The following PRKCQ variants were observed in gnomAD, a reference collection of about 807,000 sequenced individuals.
PRKCQ encodes the protein protein kinase C theta.
A neutral mutation model predicts 91.2 loss-of-function variants in PRKCQ; 41 were observed. That is an observed-to-expected ratio of 0.45 (90% confidence interval 0.35 to 0.58). The LOEUF (loss-of-function observed/expected upper bound fraction) is 0.58. Ranked by LOEUF, PRKCQ falls within the 20% of genes least tolerant of loss-of-function variation. The probability of loss-of-function intolerance (pLI) is 0.00; values close to 1 mark genes in which losing one functional copy is unlikely to be tolerated. For missense variants in PRKCQ, 673 were observed against 896.5 expected, an observed-to-expected ratio of 0.75 and a Z score of 3.18; for synonymous variants, 307 against 316.9, an observed-to-expected ratio of 0.97 and a Z score of 0.33.
At chr10:6,471,704 C>T (rs1214431818) in intron 12 of PRKCQ, among the ~76,000 whole-genome samples, 3 of 152,050 alleles carry the variant, frequency 2.0e-5, no homozygotes, top group South Asian at 4.1e-4. Flanking sequence ...GAGCCGAGAT[C>T]GTTCCACTGT....
At chr10:6,543,274 C>T (rs181030530) in intron 1 of PRKCQ, among the ~76,000 whole-genome samples, 6 of 152,330 alleles carry the variant, frequency 3.9e-5, no homozygotes, top group East Asian at 3.9e-4. Flanking sequence ...AGGTGGAGTT[C>T]GCGGAGCTGA....
the PRKCQ span, among the ~76,000 whole-genome samples, chr10:6,403,535 T>C: frequency 2.0e-5 from 3 of 152,154 alleles, no homozygotes; most frequent in East Asian, 3.8e-4. Flanking sequence ...TCTGCCGACT[T>C]TGGTGGGTCT....
At chr10:6,563,808 A>T (rs1840723796) in intron 1 of PRKCQ, among the ~76,000 whole-genome samples, 1 of 152,192 alleles carries the variant, frequency 6.6e-6, no homozygotes, top group African/African-American at 2.4e-5. Flanking sequence ...CTAGACAGAC[A>T]AAGAGATGCA....
Position 6,497,045 on chromosome 10 carries a change from C to T in PRKCQ, c.650G>A (p.Arg217Gln), listed in dbSNP as rs570087260. 3.3e-5 allele frequency: 54 copies of T among 1,612,416 alleles called. No homozygotes were observed. The highest frequency in any genetic ancestry group is 1.5e-4 in the Admixed American group (9 of 60,010). Residue 217 changes from arginine (R) to glutamine (Q), a missense_variant, in exon 7 of 18, where the codon CGA becomes CAA. Physicochemically the swap from Arg to Gln is conservative, Grantham distance 43. Transcript: ENST00000263125. The surrounding 1 kb of genome is among the most constrained non-coding windows in gnomAD (Gnocchi z 4.5). ...AKCTGSAINS[R>Q]ETMFHKERFK... ...AGTGTAAATACTCACCATGGTTTCT[C>T]GGCTATTGATAGCTGATCCTGTGCA...
At chr10:6,400,507 A>G in the PRKCQ span, among the ~76,000 whole-genome samples, 1 of 151,988 alleles carries the variant, frequency 6.6e-6, no homozygotes, top group African/African-American at 2.4e-5. Context: ...GCCCTGAACT[A>G]TATTTCAACA....
At chr10:6,514,987 T>TCCC in intron 2 of PRKCQ, 31 bp downstream of exon 2, 1 of 1,611,824 alleles carries the variant, frequency 6.2e-7, no homozygotes, top group Non-Finnish European at 8.5e-7. Flanking sequence ...CTCCTCCTCC[T>TCCC]CCCCCGCTTT....
chr10:6,572,000 C>G lies in PRKCQ; in HGVS notation c.-10+8211G>C, dbSNP rs1841064708. The stretch of plus-strand genomic sequence containing the variant: ...AGTAATTTAATCTGTGACCCTAGAT[C>G]AAGTTTCTTAACCTGCACACCTCAG... On this transcript the variant is annotated intron_variant, in intron 1 of 17. Coordinates refer to ENST00000263125, the MANE Select transcript of PRKCQ (RefSeq NM_006257.5). 2.0e-5 allele frequency among the ~76,000 whole-genome samples: 3 copies of G among 152,244 alleles called. No homozygotes were observed. In the South Asian group the frequency reaches 6.2e-4, roughly 32 times the overall value.
intron 3 of PRKCQ, 78 bp from the exon 4 acceptor site, chr10:6,507,574 G>T: frequency 8.3e-7 from 1 of 1,203,506 alleles, no homozygotes; most frequent in Non-Finnish European, 1.2e-6. Context: ...GGCTACTGAC[G>T]ATGGCAGGAG....
the PRKCQ span, among the ~76,000 whole-genome samples, chr10:6,402,983 T>C: frequency 2.0e-5 from 3 of 152,340 alleles, no homozygotes; most frequent in South Asian, 6.2e-4. Flanking sequence ...CTGCACACTA[T>C]CTCCTGACCA....
intron 17 of PRKCQ, 103 bp from the exon 18 acceptor site, chr10:6,428,465 T>TTGG: frequency 7.4e-7 from 1 of 1,350,508 alleles, no homozygotes; most frequent in Non-Finnish European, 1.0e-6. Flanking sequence ...TATGGCAAAG[T>TTGG]TGGTGTTTGC....
chr10:6,519,754 G>A (rs1441964148), intron 1 of PRKCQ, among the ~76,000 whole-genome samples: 3 of 152,082 alleles, frequency 2.0e-5, no homozygotes, highest in African/African-American at 4.8e-5. Context: ...GTGAACATGG[G>A]ATGTATGTTG....
intron 1 of PRKCQ, among the ~76,000 whole-genome samples, chr10:6,521,953 A>ATTTT (rs774717704): frequency 4.6e-5 from 7 of 151,552 alleles, no homozygotes; most frequent in South Asian, 4.2e-4. Flanking sequence ...TTATTTATTT[A>ATTTT]TTTTTTTGAG....
chr10:6,458,060 C>T (rs1413402220), intron 14 of PRKCQ, among the ~76,000 whole-genome samples: 1 of 152,156 alleles, frequency 6.6e-6, no homozygotes, highest in Non-Finnish European at 1.5e-5. Flanking sequence ...CCTCCCACCT[C>T]AGACTCTTGA....
rs749548953 is a variant in PRKCQ, at chr10:6,483,479, A to G, written c.1140T>C (p.Phe380=). 12 of 1,614,226 alleles carry G rather than the reference A, an allele frequency of 7.4e-6. No homozygotes were observed. In the South Asian group the frequency reaches 1.3e-4, roughly 18 times the overall value. Residue 380 remains phenylalanine, a synonymous_variant, in exon 11 of 18, where the codon TTT becomes TTC. Transcript: ENST00000263125. ...CTTTCCCCAACATTTTGTGCAAGAT[A>G]AAATCCTCAATTTTTAGTTTAATCT... The part of the protein sequence containing the change: ...SLQIKLKIED[F]ILHKMLGKGS...
intron 14 of PRKCQ, among the ~76,000 whole-genome samples, chr10:6,459,765 C>T (rs1835220707): frequency 6.6e-6 from 1 of 152,176 alleles, no homozygotes. Flanking sequence ...GCTGGTAAAT[C>T]GAGGGCTTGG....
In PRKCQ at chr10:6,576,199, C is replaced by T. The variant is rs953909750; in HGVS notation, c.-10+4012G>A. 1.3e-5 allele frequency among the ~76,000 whole-genome samples: 2 copies of T among 152,194 alleles called. No individual in the cohort carries two copies. Among genetic ancestry groups the T allele is most frequent in the African/African-American group, 4.8e-5 (2 of 41,442 alleles). ...ATTACCCTACGACCCCACAATTCTA[C>T]TGCTGGGTACATACCCCAAAGAATT... On this transcript the variant is annotated intron_variant, in intron 1 of 17. Coordinates refer to ENST00000263125, the MANE Select transcript of PRKCQ (RefSeq NM_006257.5). The surrounding 1 kb of genome is among the most constrained non-coding windows in gnomAD (Gnocchi z 4.2).
intron 4 of PRKCQ, among the ~76,000 whole-genome samples, chr10:6,503,791 T>C (rs999856406): frequency 2.3e-4 from 35 of 152,224 alleles, no homozygotes; most frequent in African/African-American, 7.5e-4. Context: ...ATTATTATTA[T>C]TTGGAGACAG....
chr10:6,539,445 C>G (rs751525737), intron 1 of PRKCQ, among the ~76,000 whole-genome samples: 1 of 151,834 alleles, frequency 6.6e-6, no homozygotes, highest in Non-Finnish European at 1.5e-5. Context: ...TCATGAACTG[C>G]GCAAGTGAGA....
At chr10:6,432,338 A>C (rs1228727020) in intron 16 of PRKCQ, among the ~76,000 whole-genome samples, 1 of 152,228 alleles carries the variant, frequency 6.6e-6, no homozygotes, top group Non-Finnish European at 1.5e-5. Flanking sequence ...CTACCAAAAA[A>C]ATATAAAGAC....
Sources: gnomAD v4.1 joint callset for allele counts (sites outside exome capture counted in the v4.1 genomes callset) on GRCh38, gnomAD v4.1.1 for gene constraint, Gnocchi (gnomAD v3.1) non-coding constraint, MANE v1.5 for transcripts, NCBI Gene and HGNC (gene_info 2026-07-23, HGNC 2026-07-21) for gene names.